The following PTPRD variants were observed in gnomAD, a reference collection of about 807,000 sequenced individuals.
PTPRD encodes the protein receptor-type tyrosine-protein phosphatase delta.
A neutral mutation model predicts 214.5 loss-of-function variants in PTPRD; 34 were observed. The observed-to-expected ratio is 0.16, with a 90% CI of 0.12 to 0.21. The LOEUF is 0.21. Among genes scored for constraint, PTPRD ranks in the 10% least tolerant of loss-of-function variants. The pLI is 1.00. For missense variants in PTPRD, 2,545 were observed against 2,398.7 expected (o/e 1.06, Z -1.27); for synonymous variants, 1,128 against 845.7 (o/e 1.33, Z -5.79).
intron 12 of PTPRD, among the ~76,000 whole-genome samples, chr9:8,712,299 G>T (rs2098354403): frequency 6.6e-6 from 1 of 152,062 alleles, no homozygotes; most frequent in Non-Finnish European, 1.5e-5. Flanking sequence ...TTCTTGTTCT[G>T]AATGAAAAAG....
intron 9 of PTPRD, among the ~76,000 whole-genome samples, chr9:9,324,845 A>T (rs909793859): frequency 2.0e-5 from 3 of 152,292 alleles, no homozygotes; most frequent in African/African-American, 7.2e-5. Context: ...TAAGTCTTTA[A>T]TCCATGTTGA....
At chr9:10,019,209 A>G (rs2154117359) in intron 4 of PTPRD, among the ~76,000 whole-genome samples, 1 of 152,326 alleles carries the variant, frequency 6.6e-6, no homozygotes, top group South Asian at 2.1e-4. Flanking sequence ...GAGAAATGCA[A>G]ATCAAAACCA....
chr9:8,798,611 T>A (rs898918899), intron 11 of PTPRD, among the ~76,000 whole-genome samples: 1 of 152,244 alleles, frequency 6.6e-6, no homozygotes, highest in African/African-American at 2.4e-5. Context: ...GTGACTTTTT[T>A]ACTCATCCAT....
At chr9:8,755,738 G>T (rs1210513123) in intron 11 of PTPRD, among the ~76,000 whole-genome samples, 1 of 152,026 alleles carries the variant, frequency 6.6e-6, no homozygotes, top group African/African-American at 2.4e-5. Flanking sequence ...TCATTTTGAA[G>T]AAACTAAATT....
chr9:8,418,413 T>C lies in PTPRD; in HGVS notation c.4087-13753A>G, dbSNP rs117364065. 5.1e-3 allele frequency among the ~76,000 whole-genome samples: 783 copies of C among 152,266 alleles called. 12 individuals carry two copies. Among genetic ancestry groups the C allele is most frequent in the Admixed American group, 0.04 (604 of 15,268 alleles). ...CCTTGTAGCATTTCTTCTTGTAAAGTTGTTTGAATTCATTACCATAACTTA... is the reference window on the plus strand; with the variant it reads ...CCTTGTAGCATTTCTTCTTGTAAAGCTGTTTGAATTCATTACCATAACTTA... On this transcript the variant is annotated intron_variant, in intron 35 of 45. Transcript: ENST00000381196.
At chr9:9,581,902 C>A (rs1279646150) in intron 7 of PTPRD, among the ~76,000 whole-genome samples, 1 of 152,196 alleles carries the variant, frequency 6.6e-6, no homozygotes, top group East Asian at 1.9e-4. Context: ...CACTACTATA[C>A]TATAATGTGA....
intron 8 of PTPRD, among the ~76,000 whole-genome samples, chr9:9,399,207 G>A (rs548197475): frequency 1.3e-5 from 2 of 152,120 alleles, no homozygotes; most frequent in East Asian, 3.9e-4. Context: ...TTAAGTAACA[G>A]AAGTAAAAAC....
chr9:8,559,662 G>C (rs1167869126), intron 14 of PTPRD, among the ~76,000 whole-genome samples: 2 of 152,188 alleles, frequency 1.3e-5, no homozygotes, highest in African/African-American at 4.8e-5. Flanking sequence ...CTAAGCTTCA[G>C]TCACAACTTT....
intron 9 of PTPRD, among the ~76,000 whole-genome samples, chr9:9,341,781 A>G (rs2046899583): frequency 6.6e-6 from 1 of 151,902 alleles, no homozygotes; most frequent in Non-Finnish European, 1.5e-5. Context: ...AGAATTCTCA[A>G]ACACTTCAAG....
chr9:8,927,174 T>C (rs977115135), intron 11 of PTPRD, among the ~76,000 whole-genome samples: 10 of 152,164 alleles, frequency 6.6e-5, no homozygotes, highest in Non-Finnish European at 1.3e-4. Context: ...CCTCTACACC[T>C]TCTCTTTTCT....
intron 26 of PTPRD, among the ~76,000 whole-genome samples, 182 bp from the exon 27 acceptor site, chr9:8,493,161 G>C (rs17650289): frequency 0.083 from 12,684 of 152,146 alleles, 643 homozygotes; most frequent in South Asian, 0.13. Flanking sequence ...ATATCGAAGG[G>C]GCATCTTCAG....
At chr9:9,702,738 A>G (rs559245726) in intron 7 of PTPRD, among the ~76,000 whole-genome samples, 1 of 152,200 alleles carries the variant, frequency 6.6e-6, no homozygotes, top group Non-Finnish European at 1.5e-5. Flanking sequence ...GTGTTTATAG[A>G]AGTGGAAATG....
intron 12 of PTPRD, among the ~76,000 whole-genome samples, chr9:8,720,820 G>C (rs1411715678): frequency 6.6e-6 from 1 of 152,052 alleles, no homozygotes; most frequent in Non-Finnish European, 1.5e-5. Flanking sequence ...CTATCAATGA[G>C]GGGCATAGTA....
chr9:8,393,143 A>G (rs969604684), intron 36 of PTPRD, among the ~76,000 whole-genome samples: 1 of 152,070 alleles, frequency 6.6e-6, no homozygotes, highest in Non-Finnish European at 1.5e-5. Context: ...TTGGGGGGTG[A>G]CTTTCTCTAA....
chr9:9,962,825 G>A (rs553965109), intron 4 of PTPRD, among the ~76,000 whole-genome samples: 1 of 151,906 alleles, frequency 6.6e-6, no homozygotes, highest in Non-Finnish European at 1.5e-5. Context: ...GTTCAATAAA[G>A]ACTGTTCCCA....
intron 7 of PTPRD, among the ~76,000 whole-genome samples, chr9:9,647,762 T>A (rs922999645): frequency 1.3e-5 from 2 of 152,196 alleles, no homozygotes; most frequent in South Asian, 4.1e-4. Flanking sequence ...TGTAGGGCAC[T>A]TCCTATTAGT....
intron 3 of PTPRD, among the ~76,000 whole-genome samples, chr9:10,059,316 T>C (rs2097714069): frequency 6.6e-6 from 1 of 152,146 alleles, no homozygotes; most frequent in African/African-American, 2.4e-5. Context: ...TCCTCAAGGA[T>C]TTGCATAGCA....
chr9:9,986,850 T>C (rs1416860004), intron 4 of PTPRD, among the ~76,000 whole-genome samples: 2 of 151,974 alleles, frequency 1.3e-5, no homozygotes, highest in East Asian at 3.9e-4. Context: ...GGCATATAGT[T>C]AACTGTACTG....
chr9:9,401,307 T>C lies in PTPRD; in HGVS notation c.-236-3825A>G, dbSNP rs914847933. ...ACATACGCACACATATATACAGATA[T>C]ATATACACAAGTAATCAGAGAAATC... On this transcript the variant is annotated intron_variant, in intron 8 of 45. Transcript: ENST00000381196. 7.9e-5 allele frequency among the ~76,000 whole-genome samples: 12 copies of C among 152,140 alleles called. No homozygotes were observed. In the East Asian group the frequency reaches 2.1e-3, roughly 27 times the overall value.
Sources: allele counts gnomAD v4.1 joint callset (sites outside exome capture counted in the v4.1 genomes callset), GRCh38; gene constraint gnomAD v4.1.1; transcripts MANE v1.5; gene names NCBI Gene and HGNC (gene_info 2026-07-23, HGNC 2026-07-21).